Variants in ARHGAP31 observed in about 807,000 individuals in gnomAD.
ARHGAP31 encodes Rho GTPase activating protein 31, also known as rho GTPase-activating protein 31.
Under a neutral mutation model 113.9 loss-of-function variants are expected in ARHGAP31, and 34 were observed. The ratio of observed to expected loss-of-function variants is 0.30; its 90% CI spans 0.23 to 0.40. ARHGAP31 has a LOEUF of 0.40. Ranked by LOEUF, ARHGAP31 falls within the 10% of genes least tolerant of loss-of-function variation. The pLI is 1.00. For synonymous variants in ARHGAP31, 650 were observed against 684.8 expected (o/e 0.95, Z 0.79); for missense variants, 1,548 against 1,767.1 (o/e 0.88, Z 2.22).
At chr3:119,399,137 A>AT (rs1487291627) in intron 8 of ARHGAP31, 62 bp from the exon 9 acceptor site, 6 of 1,493,692 alleles carry the variant, frequency 4.0e-6, no homozygotes, top group African/African-American at 1.4e-5. Context: ...AGCCTGACCT[A>AT]TTTTTCTGAA....
intron 2 of ARHGAP31, 33 bp downstream of exon 2, chr3:119,365,451 C>T: frequency 1.3e-6 from 2 of 1,558,964 alleles, no homozygotes; most frequent in South Asian, 1.1e-5. Flanking sequence ...AAAGAATTCT[C>T]CCATGATTCC....
chr3:119,321,298 A>G (rs941049107), intron 1 of ARHGAP31, among the ~76,000 whole-genome samples: 108 of 147,008 alleles, frequency 7.3e-4, no homozygotes, highest in Non-Finnish European at 7.3e-4. Flanking sequence ...TATATATAGT[A>G]TATATATATG....
At chr3:119,389,395 A>G (rs569343536) in intron 6 of ARHGAP31, among the ~76,000 whole-genome samples, 58 of 152,328 alleles carry the variant, frequency 3.8e-4, no homozygotes, top group African/African-American at 1.3e-3. Context: ...CATAATCACA[A>G]ATAATCTAGA....
At chr3:119,357,818 G>A (rs1335172659) in intron 1 of ARHGAP31, among the ~76,000 whole-genome samples, 2 of 152,298 alleles carry the variant, frequency 1.3e-5, no homozygotes, top group South Asian at 4.1e-4. Flanking sequence ...AAAGGATAGT[G>A]CTGCTTTGGA....
intron 8 of ARHGAP31, among the ~76,000 whole-genome samples, chr3:119,394,457 A>G (rs1271700875): frequency 6.6e-6 from 1 of 152,204 alleles, no homozygotes; most frequent in East Asian, 1.9e-4. Context: ...GGAACCATAT[A>G]TAGTGGGGAA....
chr3:119,304,069 C>T (rs1246453367), intron 1 of ARHGAP31, among the ~76,000 whole-genome samples: 2 of 152,158 alleles, frequency 1.3e-5, no homozygotes, highest in Non-Finnish European at 1.5e-5. Context: ...GCTGGGATTA[C>T]AGGTGTAAGC....
intron 9 of ARHGAP31, among the ~76,000 whole-genome samples, chr3:119,401,170 CA>C (rs11459615): frequency 0.017 from 2,210 of 131,706 alleles, 55 homozygotes; most frequent in African/African-American, 0.055. Context: ...TACTCCATCT[CA>C]AAAAAAAAAA....
chr3:119,398,880 C>T (rs1324825639), intron 8 of ARHGAP31, among the ~76,000 whole-genome samples: 3 of 152,164 alleles, frequency 2.0e-5, no homozygotes, highest in East Asian at 3.8e-4. Context: ...TGGATTCATC[C>T]TTGAATACTT....
At chr3:119,362,601 C>G (rs1356483921) in intron 1 of ARHGAP31, among the ~76,000 whole-genome samples, 1 of 151,988 alleles carries the variant, frequency 6.6e-6, no homozygotes, top group Non-Finnish European at 1.5e-5. Context: ...AACCTTACCT[C>G]TATGAAAAAT....
intron 9 of ARHGAP31, 51 bp downstream of exon 9, chr3:119,399,312 G>C: frequency 6.8e-7 from 1 of 1,481,080 alleles, no homozygotes. Flanking sequence ...TAGGAGGCTG[G>C]AGCTCACTTG....
intron 3 of ARHGAP31, among the ~76,000 whole-genome samples, chr3:119,371,833 C>A (rs1481781591): frequency 6.6e-6 from 1 of 152,172 alleles, no homozygotes; most frequent in Non-Finnish European, 1.5e-5. Flanking sequence ...TCATTTAGCT[C>A]CCACTTATGA....
intron 1 of ARHGAP31, among the ~76,000 whole-genome samples, chr3:119,336,935 T>C (rs1022831733): frequency 2.0e-5 from 3 of 152,254 alleles, no homozygotes; most frequent in African/African-American, 4.8e-5. Context: ...TCTGGCTTCT[T>C]ACATTTACAA....
chr3:119,345,220 T>G (rs2080046046), intron 1 of ARHGAP31, among the ~76,000 whole-genome samples: 1 of 152,068 alleles, frequency 6.6e-6, no homozygotes, highest in African/African-American at 2.4e-5. Flanking sequence ...TCTCCTGACC[T>G]CGTGATCCAC....
At chr3:119,300,939 G>A (rs2079578719) in intron 1 of ARHGAP31, among the ~76,000 whole-genome samples, 1 of 152,132 alleles carries the variant, frequency 6.6e-6, no homozygotes, top group Non-Finnish European at 1.5e-5. Flanking sequence ...GGAGCTTGTG[G>A]AGCAAGAACA....
intron 1 of ARHGAP31, among the ~76,000 whole-genome samples, chr3:119,306,622 T>G (rs1052575422): frequency 6.6e-6 from 1 of 152,184 alleles, no homozygotes; most frequent in African/African-American, 2.4e-5. Context: ...GGAGAACATA[T>G]GATTCTACCG....
rs2080270609 is a variant in ARHGAP31 at position 119,368,639 on chromosome 3, A to T, written c.348+123A>T. 9 of 1,282,100 alleles carry T rather than the reference A, an allele frequency of 7.0e-6. No individual in the cohort carries two copies. The African/African-American group carries it at 1.3e-4, about 19-fold the overall frequency. The allele number at this position is 1,282,100 out of a possible 1,614,324, so 79.4% of individuals were successfully genotyped here. A position where few individuals can be genotyped will look rare whatever the true frequency, so the allele number is the denominator to read the frequency against. ...TGGTTGACATTATCTTAGCGTGGTG[A>T]GGGAAGTAGGATAATATGGTAAGGA... On this transcript the variant is annotated intron_variant, in intron 3 of 11. Transcript: ENST00000264245.
At chr3:119,325,351 TATC>T (rs1389620910) in intron 1 of ARHGAP31, among the ~76,000 whole-genome samples, 1 of 152,246 alleles carries the variant, frequency 6.6e-6, no homozygotes, top group African/African-American at 2.4e-5. Context: ...CACATTCACA[TATC>T]ATCTCTGTTG....
intron 1 of ARHGAP31, among the ~76,000 whole-genome samples, chr3:119,325,316 G>C (rs1251116460): frequency 2.0e-5 from 3 of 152,230 alleles, no homozygotes; most frequent in Admixed American, 6.5e-5. Flanking sequence ...CATCGCAGCT[G>C]TCATGCACAT....
At chr3:119,365,791 A>G (rs2080248509) in intron 2 of ARHGAP31, among the ~76,000 whole-genome samples, 1 of 152,202 alleles carries the variant, frequency 6.6e-6, no homozygotes. Flanking sequence ...CCTGTTACTT[A>G]GTGTTCAGAG....
Sources: gnomAD v4.1 joint callset for allele counts (sites outside exome capture counted in the v4.1 genomes callset) on GRCh38, gnomAD v4.1.1 for gene constraint, MANE v1.5 for transcripts, NCBI Gene and HGNC (gene_info 2026-07-23, HGNC 2026-07-21) for gene names.